PTPRO: variants seen among roughly 807,000 people sequenced by gnomAD.
PTPRO encodes the protein protein tyrosine phosphatase receptor type O, also known as receptor-type tyrosine-protein phosphatase O.
PTPRO carries 62 observed loss-of-function variants against 145.2 expected under a neutral mutation model. The ratio of observed to expected loss-of-function variants is 0.43; its 90% CI spans 0.35 to 0.53. The LOEUF (loss-of-function observed/expected upper bound fraction) is 0.53. Ranked by LOEUF, PTPRO falls within the 20% of genes least tolerant of loss-of-function variation. The probability of loss-of-function intolerance (pLI) is 0.01; values close to 1 mark genes in which losing one functional copy is unlikely to be tolerated. For synonymous variants in PTPRO, 565 were observed against 514.7 expected (o/e 1.10, Z -1.32); for missense variants, 1,345 against 1,482.7 (o/e 0.91, Z 1.53).
chr12:15,503,838 C>T (rs1942267938), intron 5 of PTPRO, 70 bp from the exon 6 acceptor site: 12 of 1,300,396 alleles, frequency 9.2e-6, no homozygotes, highest in Middle Eastern at 2.3e-4. Context: ...TTTCATTAAT[C>T]GACTTGTCTA....
At chr12:15,524,022 C>A (rs1942783868) in intron 10 of PTPRO, among the ~76,000 whole-genome samples, 1 of 151,848 alleles carries the variant, frequency 6.6e-6, no homozygotes, top group Non-Finnish European at 1.5e-5. Flanking sequence ...TGGTCTTGAA[C>A]TGGACTCAAG....
At chr12:15,417,830 T>C (rs1290575478) in intron 1 of PTPRO, among the ~76,000 whole-genome samples, 1 of 151,784 alleles carries the variant, frequency 6.6e-6, no homozygotes, top group Non-Finnish European at 1.5e-5. Flanking sequence ...TAGGATTTAG[T>C]CTTCCTTTAT....
intron 19 of PTPRO, among the ~76,000 whole-genome samples, chr12:15,575,228 C>G (rs1944154317): frequency 6.6e-6 from 1 of 152,314 alleles, no homozygotes; most frequent in Admixed American, 6.5e-5. Flanking sequence ...AACAGGGACT[C>G]TCACTAGGCT....
intron 25 of PTPRO, among the ~76,000 whole-genome samples, chr12:15,590,575 A>G (rs192911721): frequency 7.2e-4 from 109 of 152,176 alleles, no homozygotes; most frequent in African/African-American, 2.4e-3. Flanking sequence ...CGGCCGTCTC[A>G]GCTGTTTCTG....
rs114561410 is a variant in PTPRO, at chr12:15,495,729, G to A, written c.350-1516G>A. ...TCTCATTTCTATAGGCAGAAACAGA[G>A]AAGATTTTATCAGGATTACAAAAAA... On this transcript the variant is annotated intron_variant, in intron 2 of 26. Transcript: ENST00000281171. Among the ~76,000 whole-genome samples, 1,494 of 152,212 alleles carry A rather than the reference G, an allele frequency of 9.8e-3. 31 individuals carry two copies. The highest frequency in any genetic ancestry group is 0.032 in the African/African-American group (1,329 of 41,528).
At position 15,583,214 on chromosome 12, in the gene PTPRO, G is replaced by T. The variant is rs146078975; in HGVS notation, c.3255+1413G>T. On this transcript the variant is annotated intron_variant, in intron 23 of 26. Transcript: ENST00000281171. ...TGAAAAAAGACAACTGAGTATGGTG[G>T]TTCATGCCTGTAATCCCAGCACTTT... is the stretch of plus-strand genomic sequence containing the variant. Among the ~76,000 whole-genome samples the T allele has an allele frequency of 4.2e-3, 632 of 152,242 alleles. 7 individuals carry two copies. Among genetic ancestry groups the T allele is most frequent in the African/African-American group, 0.015 (608 of 41,528 alleles).
At chr12:15,396,598 T>A (rs1372468866) in intron 1 of PTPRO, among the ~76,000 whole-genome samples, 1 of 152,208 alleles carries the variant, frequency 6.6e-6, no homozygotes, top group Non-Finnish European at 1.5e-5. Context: ...AGGGAATTCT[T>A]CATTGAACAA....
At chr12:15,415,271 A>ATGAG (rs1422821265) in intron 1 of PTPRO, among the ~76,000 whole-genome samples, 3 of 152,186 alleles carry the variant, frequency 2.0e-5, no homozygotes, top group Non-Finnish European at 4.4e-5. Flanking sequence ...GCTATGTCTC[A>ATGAG]GCTAATCAGC....
chr12:15,541,967 T>C (rs1943189351), intron 12 of PTPRO, among the ~76,000 whole-genome samples: 1 of 151,790 alleles, frequency 6.6e-6, no homozygotes, highest in African/African-American at 2.4e-5. Flanking sequence ...GCCAAGATCA[T>C]GCCACTGCAC....
At chr12:15,530,597 G>A (rs1942941741) in intron 12 of PTPRO, among the ~76,000 whole-genome samples, 1 of 151,942 alleles carries the variant, frequency 6.6e-6, no homozygotes, top group Admixed American at 6.6e-5. Context: ...ACAAACACAT[G>A]GAAATTGAAC....
At chr12:15,457,052 G>A (rs755967874) in intron 1 of PTPRO, among the ~76,000 whole-genome samples, 53 of 152,112 alleles carry the variant, frequency 3.5e-4, no homozygotes, top group Non-Finnish European at 1.5e-4. Context: ...AAATTAGGTT[G>A]TTTACTTAAG....
At chr12:15,533,739 G>A (rs1410446620) in intron 12 of PTPRO, among the ~76,000 whole-genome samples, 1 of 152,122 alleles carries the variant, frequency 6.6e-6, no homozygotes, top group Non-Finnish European at 1.5e-5. Flanking sequence ...AGAAGTCATA[G>A]TCATTCTCCT....
intron 1 of PTPRO, among the ~76,000 whole-genome samples, chr12:15,392,168 A>T (rs1373333427): frequency 6.6e-6 from 1 of 152,196 alleles, no homozygotes; most frequent in African/African-American, 2.4e-5. Flanking sequence ...AACCATACAA[A>T]TATATGTATC....
At chr12:15,532,530 C>G (rs1942983085) in intron 12 of PTPRO, among the ~76,000 whole-genome samples, 1 of 152,140 alleles carries the variant, frequency 6.6e-6, no homozygotes, top group Admixed American at 6.6e-5. Context: ...ATTCCCTCTG[C>G]TGTGACTAAT....
At chr12:15,486,153 C>T (rs12426727) in intron 2 of PTPRO, among the ~76,000 whole-genome samples, 34,898 of 152,042 alleles carry the variant, frequency 0.23, 4,438 homozygotes, top group Admixed American at 0.32. Context: ...CCACTTGTAA[C>T]TGTAAATTTG....
intron 1 of PTPRO, among the ~76,000 whole-genome samples, chr12:15,349,902 G>A (rs1365221658): frequency 6.6e-6 from 1 of 152,146 alleles, no homozygotes; most frequent in Non-Finnish European, 1.5e-5. Flanking sequence ...AGTTCTAGGG[G>A]AAAGGAGTTC....
At chr12:15,541,337 G>T (rs1326187129) in intron 12 of PTPRO, among the ~76,000 whole-genome samples, 5 of 152,092 alleles carry the variant, frequency 3.3e-5, no homozygotes, top group African/African-American at 1.2e-4. Flanking sequence ...TTCTGCTTTA[G>T]AAGACTGACT....
chr12:15,444,696 C>T (rs569085891), intron 1 of PTPRO, among the ~76,000 whole-genome samples: 68 of 152,078 alleles, frequency 4.5e-4, no homozygotes, highest in South Asian at 8.3e-4. Context: ...GATCCTCCTC[C>T]CCTCCCACCA....
intron 12 of PTPRO, among the ~76,000 whole-genome samples, chr12:15,526,705 C>T (rs1020320873): frequency 6.6e-6 from 1 of 151,710 alleles, no homozygotes; most frequent in East Asian, 1.9e-4. Flanking sequence ...AAAATCAAGA[C>T]AAAAAGAAAC....
Sources: allele counts gnomAD v4.1 joint callset (sites outside exome capture counted in the v4.1 genomes callset), GRCh38; gene constraint gnomAD v4.1.1; transcripts MANE v1.5; gene names NCBI Gene and HGNC (gene_info 2026-07-23, HGNC 2026-07-21).